Variants in BCO1 observed in about 807,000 individuals in gnomAD.
BCO1 encodes beta-carotene oxygenase 1.
BCO1 carries 54 observed loss-of-function variants against 56.3 expected under a neutral mutation model. The ratio of observed to expected loss-of-function variants is 0.96; its 90% CI spans 0.77 to 1.20. BCO1 has a LOEUF of 1.20. Among genes scored for constraint, BCO1 ranks in the 50% most tolerant of loss-of-function variants. The probability of loss-of-function intolerance (pLI) is 0.00; values close to 1 mark genes in which losing one functional copy is unlikely to be tolerated. For missense variants in BCO1, 801 were observed against 690.9 expected, an observed-to-expected ratio of 1.16 and a Z score of -1.79; for synonymous variants, 318 against 266.1, an observed-to-expected ratio of 1.20 and a Z score of -1.90.
chr16:81,262,461 T>C, intron 4 of BCO1, 178 bp downstream of exon 4: 3 of 682,892 alleles, frequency 4.4e-6, no homozygotes, highest in Non-Finnish European at 5.2e-6. Flanking sequence ...GGGACTGTGT[T>C]GTTTTTATCT....
At chr16:81,239,652 C>A (rs1367498093) in intron 1 of BCO1, among the ~76,000 whole-genome samples, 1 of 152,278 alleles carries the variant, frequency 6.6e-6, no homozygotes, top group African/African-American at 2.4e-5. Context: ...TGAGCTCCCA[C>A]GCATGCACAT....
intron 1 of BCO1, among the ~76,000 whole-genome samples, chr16:81,244,138 C>G (rs1216343501): frequency 6.6e-6 from 1 of 152,236 alleles, no homozygotes; most frequent in Non-Finnish European, 1.5e-5. Context: ...AGCACTCAGG[C>G]AGGGAGCTGC....
At chr16:81,250,803 C>T (rs1435075811) in intron 2 of BCO1, among the ~76,000 whole-genome samples, 1 of 151,990 alleles carries the variant, frequency 6.6e-6, no homozygotes, top group Non-Finnish European at 1.5e-5. Context: ...TTGGTCTCGA[C>T]CTCCTGACCT....
intron 10 of BCO1, among the ~76,000 whole-genome samples, chr16:81,289,669 C>T (rs1050162381): frequency 6.6e-6 from 1 of 152,022 alleles, no homozygotes; most frequent in Non-Finnish European, 1.5e-5. Context: ...AACAAAAAAC[C>T]GAATACCACT....
intron 2 of BCO1, among the ~76,000 whole-genome samples, chr16:81,248,399 C>T (rs1271473095): frequency 1.3e-5 from 1 of 74,170 alleles, no homozygotes; most frequent in Non-Finnish European, 2.5e-5. Flanking sequence ...GCGAGGCTCC[C>T]TCTCACAAAA....
chr16:81,239,021 T>C, intron 1 of BCO1, 49 bp downstream of exon 1: 2 of 214,374 alleles, frequency 9.3e-6, no homozygotes, highest in Non-Finnish European at 1.3e-5. Flanking sequence ...TATTTTATTA[T>C]TTTTTTTTTT....
At chr16:81,270,762 T>G (rs78314542) in intron 7 of BCO1, among the ~76,000 whole-genome samples, 1 of 149,722 alleles carries the variant, frequency 6.7e-6, no homozygotes, top group Non-Finnish European at 1.5e-5. Flanking sequence ...TTTTTTTTTT[T>G]GAGACGTAGT....
At chr16:81,258,796 GAA>G (rs1449160679) in intron 2 of BCO1, among the ~76,000 whole-genome samples, 1 of 152,220 alleles carries the variant, frequency 6.6e-6, no homozygotes. Context: ...AATTTATAAA[GAA>G]AAGAGGTTTA....
At chr16:81,282,926 C>G (rs1414765304) in intron 8 of BCO1, among the ~76,000 whole-genome samples, 1 of 152,154 alleles carries the variant, frequency 6.6e-6, no homozygotes, top group Non-Finnish European at 1.5e-5. Flanking sequence ...TCACGTACAT[C>G]AAGGGCTTAG....
At chr16:81,264,500 T>C in intron 4 of BCO1, 140 bp from the exon 5 acceptor site, 1 of 1,029,384 alleles carries the variant, frequency 9.7e-7, no homozygotes. Context: ...TGCAAAAATA[T>C]CCCTCATCTC....
chr16:81,286,386 T>C (rs1908181400), intron 9 of BCO1, among the ~76,000 whole-genome samples: 2 of 152,116 alleles, frequency 1.3e-5, no homozygotes, highest in African/African-American at 4.8e-5. Context: ...CAAGCCACTC[T>C]CCACTAATCC....
At chr16:81,242,448 G>A (rs1013872380) in intron 1 of BCO1, among the ~76,000 whole-genome samples, 7 of 151,982 alleles carry the variant, frequency 4.6e-5, no homozygotes, top group Admixed American at 2.6e-4. Flanking sequence ...TGATCCATCC[G>A]CCTTGGCCTC....
At chr16:81,265,139 T>C (rs933953061) in intron 5 of BCO1, among the ~76,000 whole-genome samples, 10 of 151,556 alleles carry the variant, frequency 6.6e-5, no homozygotes, top group African/African-American at 2.4e-4. Context: ...CGTCCATCTA[T>C]CCACCATTCA....
intron 7 of BCO1, among the ~76,000 whole-genome samples, chr16:81,279,688 C>A (rs1269340622): frequency 1.3e-5 from 2 of 152,162 alleles, no homozygotes; most frequent in African/African-American, 4.8e-5. Flanking sequence ...ATGAGGGAAA[C>A]AGGGAGTAGT....
At chr16:81,261,422 G>A (rs1906474157) in intron 3 of BCO1, among the ~76,000 whole-genome samples, 1 of 152,072 alleles carries the variant, frequency 6.6e-6, no homozygotes, top group Non-Finnish European at 1.5e-5. Context: ...GGATAAATTC[G>A]AGATAACCAG....
chr16:81,241,822 G>A (rs1181885061), intron 1 of BCO1, among the ~76,000 whole-genome samples: 4 of 152,154 alleles, frequency 2.6e-5, no homozygotes, highest in African/African-American at 9.7e-5. Context: ...CTGTGCCTGG[G>A]TTGACACGTC....
chr16:81,281,390 G>A (rs1337834739), intron 8 of BCO1, among the ~76,000 whole-genome samples: 1 of 152,214 alleles, frequency 6.6e-6, no homozygotes, highest in African/African-American at 2.4e-5. Context: ...AGATTGCAGT[G>A]AGTTGAGATT....
At chr16:81,249,092 C>CTTT (rs546566864) in intron 2 of BCO1, among the ~76,000 whole-genome samples, 48,814 of 132,932 alleles carry the variant, frequency 0.37, 9,158 homozygotes, top group Middle Eastern at 0.44. Flanking sequence ...CTCTTTCTTT[C>CTTT]TTTTTTTTTT....
intron 2 of BCO1, among the ~76,000 whole-genome samples, chr16:81,255,772 T>A (rs1172006925): frequency 6.6e-6 from 1 of 151,930 alleles, no homozygotes; most frequent in Non-Finnish European, 1.5e-5. Context: ...CCCAAAGTGC[T>A]GGGATTATAG....
Sources: allele counts gnomAD v4.1 joint callset (sites outside exome capture counted in the v4.1 genomes callset), GRCh38; gene constraint gnomAD v4.1.1; transcripts MANE v1.5; gene names NCBI Gene and HGNC (gene_info 2026-07-23, HGNC 2026-07-21).